Variants in ELOVL4 observed in about 807,000 individuals in gnomAD.
ELOVL4 encodes the protein ELOVL fatty acid elongase 4, also known as very long chain fatty acid elongase 4.
Under a neutral mutation model 42.1 loss-of-function variants are expected in ELOVL4, and 18 were observed. The ratio of observed to expected loss-of-function variants is 0.43; its 90% CI spans 0.30 to 0.63. ELOVL4 has a LOEUF of 0.63. ELOVL4 is among the 30% of genes least tolerant of loss of function. The pLI, the probability that ELOVL4 is intolerant of heterozygous loss-of-function variation, is 0.15. For missense variants in ELOVL4, 299 were observed against 376.2 expected, an observed-to-expected ratio of 0.79 and a Z score of 1.70; for synonymous variants, 117 against 127.0, an observed-to-expected ratio of 0.92 and a Z score of 0.53.
At chr6:79,929,018 C>A (rs1187921749) in intron 1 of ELOVL4, among the ~76,000 whole-genome samples, 1 of 151,988 alleles carries the variant, frequency 6.6e-6, no homozygotes, top group African/African-American at 2.4e-5. Context: ...AGCTGACTGG[C>A]TGAGTTCTAA....
chr6:79,931,681 G>A (rs751028314), intron 1 of ELOVL4, among the ~76,000 whole-genome samples: 32 of 152,014 alleles, frequency 2.1e-4, no homozygotes, highest in Non-Finnish European at 4.3e-4. Flanking sequence ...CACAGAATAA[G>A]GGAAAAAGAC....
At chr6:79,928,727 G>GTTTTTT (rs34673896) in intron 1 of ELOVL4, among the ~76,000 whole-genome samples, 1,828 of 75,580 alleles carry the variant, frequency 0.024, 250 homozygotes, top group African/African-American at 0.096. Flanking sequence ...TGGTGACTGG[G>GTTTTTT]TTTTTTTTTT....
Position 79,919,536 on chromosome 6 carries a change from C to T in ELOVL4, c.553G>A (p.Ala185Thr), listed in dbSNP as rs1453399522. The T allele has an allele frequency of 6.2e-7, 1 of 1,613,226 alleles. No individual in the cohort carries two copies. The highest frequency in any genetic ancestry group is 8.5e-7 in the Non-Finnish European group (1 of 1,179,652). Residue 185 changes from alanine (A) to threonine (T), a missense_variant, in exon 5 of 6, where the codon GCC becomes ACC. By Grantham distance (58) the Ala-to-Thr change is moderately conservative. Coordinates refer to ENST00000369816, the MANE Select transcript of ELOVL4 (RefSeq NM_022726.4). Reference sequence around the variant, plus strand: ...ACATGGATAAAGGAATTCAACTGGGCTCCAAAAAATGCTTTAGAAAAACAA... The same window carrying T: ...ACATGGATAAAGGAATTCAACTGGGTTCCAAAAAATGCTTTAGAAAAACAA... ...WVAGGQAFFG[A>T]QLNSFIHVIM...
rs370497419 is a variant in ELOVL4, at chr6:79,926,931, AT to A, written c.101-551del. ...TTAAGTTAGGGTTAATTACAATTCTATAATGTAAACAGTCACCATATTCAAG... is the reference window on the plus strand; with the variant it reads ...TTAAGTTAGGGTTAATTACAATTCTAAATGTAAACAGTCACCATATTCAAG... On this transcript the variant is annotated intron_variant, in intron 1 of 5. Transcript: ENST00000369816. Among the ~76,000 whole-genome samples the A allele has an allele frequency of 4.0e-3, 606 of 152,316 alleles. 3 individuals are homozygous for A. The highest frequency in any genetic ancestry group is 0.014 in the African/African-American group (586 of 41,554).
In ELOVL4 at chr6:79,925,020, A is replaced by G; in HGVS notation, c.301T>C (p.Ser101Pro). 6.2e-7 allele frequency: 1 copy of G among 1,601,124 alleles called. No homozygotes were observed. The highest frequency in any genetic ancestry group is 8.6e-7 in the Non-Finnish European group (1 of 1,168,376). The part of the protein sequence containing the change: ...LFIFRELFMG[S>P]YNAGYSYICQ... ...ATATAGCTATATCCCGCATTATATG[A>G]TCCCATGAATAACTGGAAAAAGAGT... Residue 101 changes from serine to proline, a missense_variant, in exon 3 of 6, where the codon TCA (serine) becomes CCA (proline). Ser to Pro is a moderately conservative substitution (Grantham distance 74, BLOSUM62 -1). Coordinates refer to ENST00000369816, the MANE Select transcript of ELOVL4 (RefSeq NM_022726.4).
At chr6:79,942,949 G>A (rs1405201273) in intron 1 of ELOVL4, among the ~76,000 whole-genome samples, 1 of 151,572 alleles carries the variant, frequency 6.6e-6, no homozygotes, top group Non-Finnish European at 1.5e-5. Context: ...GGATAATTAG[G>A]ACGTCACTGA....
At chr6:79,917,816 C>T (rs971329856) in intron 5 of ELOVL4, among the ~76,000 whole-genome samples, 1 of 151,552 alleles carries the variant, frequency 6.6e-6, no homozygotes, top group Non-Finnish European at 1.5e-5. Context: ...AGCAAAACTC[C>T]GTCCCAAAAA....
Position 79,947,251 on chromosome 6 carries a change from C to A in ELOVL4, c.29G>T (p.Ser10Ile). The change falls in exon 1 of 6, where the codon AGT becomes ATT. Residue 10 changes from serine to isoleucine, a missense_variant. Coordinates refer to ENST00000369816, the MANE Select transcript of ELOVL4 (RefSeq NM_022726.4). ...TGCCGTGGACACTACGTTTAGGACA[C>A]TACCCGGCTCCGAGTCCAGGAGCCC... MGLLDSEPG[S>I]VLNVVSTALN... is the part of the protein sequence containing the mutation. The A allele has an allele frequency of 6.2e-7, 1 of 1,613,074 alleles. No individual in the cohort carries two copies. Among genetic ancestry groups the A allele is most frequent in the Non-Finnish European group, 8.5e-7 (1 of 1,179,492 alleles).
intron 3 of ELOVL4, 138 bp downstream of exon 3, chr6:79,924,814 G>C: frequency 3.1e-6 from 2 of 652,244 alleles, no homozygotes; most frequent in Admixed American, 4.8e-5. Flanking sequence ...CAGTCTGGGG[G>C]ACAGAGCAAG....
At chr6:79,920,016 T>C (rs1407963054) in intron 4 of ELOVL4, among the ~76,000 whole-genome samples, 1 of 152,222 alleles carries the variant, frequency 6.6e-6, no homozygotes, top group East Asian at 1.9e-4. Context: ...TACAGAGATA[T>C]TCCAGTCAGT....
chr6:79,915,777 T>G lies in ELOVL4; in HGVS notation c.*831A>C, dbSNP rs1774148568. 1 of 152,362 alleles carries G rather than the reference T, an allele frequency of 6.6e-6. No homozygotes were observed. Among genetic ancestry groups the G allele is most frequent in the African/African-American group, 2.4e-5 (1 of 41,358 alleles). The allele number at this position is 152,362 out of a possible 1,614,324, so 9.4% of individuals were successfully genotyped here. On this transcript the variant is annotated 3_prime_UTR_variant, in exon 6 of 6. Transcript: ENST00000369816. ...AAAATCAACATATTCTAACAGCACA[T>G]AAATGTAACTATCTTATGATGTTAC...
intron 1 of ELOVL4, among the ~76,000 whole-genome samples, chr6:79,945,581 A>C (rs1252788363): frequency 6.6e-6 from 1 of 152,168 alleles, no homozygotes; most frequent in East Asian, 1.9e-4. Context: ...CTCTGGCTAT[A>C]TGGAGACTGG....
At chr6:79,945,380 G>C (rs551054590) in intron 1 of ELOVL4, among the ~76,000 whole-genome samples, 1 of 152,282 alleles carries the variant, frequency 6.6e-6, no homozygotes, top group African/African-American at 2.4e-5. Flanking sequence ...TTCACATGCG[G>C]CAACTGCACA....
intron 1 of ELOVL4, 55 bp downstream of exon 1, chr6:79,947,125 G>C: frequency 7.0e-7 from 1 of 1,434,816 alleles, no homozygotes; most frequent in Non-Finnish European, 9.7e-7. Context: ...CGAGACCAGG[G>C]GCCGGTGACC....
At chr6:79,935,505 G>C (rs1022312221) in intron 1 of ELOVL4, among the ~76,000 whole-genome samples, 14 of 152,178 alleles carry the variant, frequency 9.2e-5, no homozygotes, top group African/African-American at 3.4e-4. Context: ...GATACAGGGA[G>C]AGGGACAAGA....
intron 2 of ELOVL4, 72 bp downstream of exon 2, chr6:79,926,122 T>G: frequency 7.6e-7 from 1 of 1,317,062 alleles, no homozygotes. Context: ...ATTACAATGA[T>G]GGTTTTACAC....
chr6:79,931,287 C>G (rs552053281), intron 1 of ELOVL4, among the ~76,000 whole-genome samples: 32 of 152,032 alleles, frequency 2.1e-4, no homozygotes, highest in Non-Finnish European at 3.8e-4. Flanking sequence ...GTCATGTAAA[C>G]CTTTACCTAA....
In ELOVL4 at chr6:79,924,948, T is replaced by C; in HGVS notation, c.369+4A>G. ...CTGATTAAGAGTATTTTTAATGTAC[T>C]TACCCTGACTTCATGAACATTATTA... On this transcript the variant is annotated splice_donor_region_variant and intron_variant, in intron 3 of 5. Transcript: ENST00000369816. 6.3e-7 allele frequency: 1 copy of C among 1,578,338 alleles called. No individual in the cohort carries two copies. Among genetic ancestry groups the C allele is most frequent in the Non-Finnish European group, 8.7e-7 (1 of 1,147,580 alleles).
chr6:79,934,669 T>C (rs1774513439), intron 1 of ELOVL4, among the ~76,000 whole-genome samples: 1 of 152,154 alleles, frequency 6.6e-6, no homozygotes, highest in South Asian at 2.1e-4. Context: ...CAAATCAGAC[T>C]TACCAGCATT....
Sources: gnomAD v4.1 joint callset for allele counts (sites outside exome capture counted in the v4.1 genomes callset) on GRCh38, gnomAD v4.1.1 for gene constraint, MANE v1.5 for transcripts, NCBI Gene and HGNC (gene_info 2026-07-23, HGNC 2026-07-21) for gene names.